The following PTPN9 variants were observed in gnomAD, a reference collection of about 807,000 sequenced individuals.
PTPN9 encodes tyrosine-protein phosphatase non-receptor type 9.
Under a neutral mutation model 69.8 loss-of-function variants are expected in PTPN9, and 26 were observed. The observed-to-expected ratio is 0.37, with a 90% confidence interval of 0.27 to 0.52. PTPN9 has a LOEUF of 0.52. Among genes scored for constraint, PTPN9 ranks in the 20% least tolerant of loss-of-function variants. The pLI, the probability that PTPN9 is intolerant of heterozygous loss-of-function variation, is 0.91. For missense variants in PTPN9, 549 were observed against 740.3 expected, an observed-to-expected ratio of 0.74 and a Z score of 3.00; for synonymous variants, 274 against 272.5, an observed-to-expected ratio of 1.01 and a Z score of -0.05.
At position 75,578,807 on chromosome 15, in the gene PTPN9, C is replaced by T. The variant is rs993396327; in HGVS notation, c.-31G>A. The T allele has an allele frequency of 1.6e-6, 2 of 1,213,092 alleles. No individual in the cohort carries two copies. Among genetic ancestry groups the T allele is most frequent in the African/African-American group, 1.6e-5 (1 of 63,048 alleles). The allele number at this position is 1,213,092 out of a possible 1,614,324, so 75.1% of individuals were successfully genotyped here. A position where few individuals can be genotyped will look rare whatever the true frequency, so the allele number is the denominator to read the frequency against. On this transcript the variant is annotated 5_prime_UTR_variant, in exon 1 of 13. Coordinates refer to ENST00000618819, the MANE Select transcript of PTPN9 (RefSeq NM_002833.4). ...CGCCACCGCCGCCGGGCGGACAAAACTCGCTCGCGAGCGCGGGAGCCCGGC... is the reference window on the plus strand; with the variant it reads ...CGCCACCGCCGCCGGGCGGACAAAATTCGCTCGCGAGCGCGGGAGCCCGGC...
intron 6 of PTPN9, among the ~76,000 whole-genome samples, chr15:75,507,249 G>A (rs930908240): frequency 1.3e-5 from 2 of 150,480 alleles, no homozygotes; most frequent in Non-Finnish European, 3.0e-5. Context: ...TTTGAGACCA[G>A]CCTGTCCAAC....
chr15:75,494,131 C>CATATATATATATATATATATATAT (rs71140166), intron 7 of PTPN9, among the ~76,000 whole-genome samples: 3 of 143,514 alleles, frequency 2.1e-5, no homozygotes, highest in African/African-American at 7.6e-5. Flanking sequence ...TTATCAATCC[C>CATATATATATATATATATATATAT]ATATATATAT....
At chr15:75,556,011 GACAA>G (rs372197393) in intron 1 of PTPN9, among the ~76,000 whole-genome samples, 1,818 of 112,998 alleles carry the variant, frequency 0.016, 15 homozygotes, top group Middle Eastern at 0.027. Flanking sequence ...CAGCCTCGAT[GACAA>G]ACAAAGCGAG....
intron 3 of PTPN9, 105 bp from the exon 4 acceptor site, chr15:75,523,350 T>C: frequency 1.1e-5 from 14 of 1,274,288 alleles, no homozygotes; most frequent in Non-Finnish European, 1.5e-5. Flanking sequence ...AGAAAACAGA[T>C]GCTAACAATA....
intron 1 of PTPN9, among the ~76,000 whole-genome samples, chr15:75,564,233 A>G (rs1003043108): frequency 6.6e-6 from 1 of 152,076 alleles, no homozygotes; most frequent in Non-Finnish European, 1.5e-5. Context: ...TTACAGGCTT[A>G]AGCTACCATG....
intron 5 of PTPN9, among the ~76,000 whole-genome samples, chr15:75,514,660 G>A (rs1263462669): frequency 2.0e-5 from 3 of 152,144 alleles, no homozygotes; most frequent in African/African-American, 7.2e-5. Flanking sequence ...TTTACTGTGC[G>A]CACACATTAT....
intron 1 of PTPN9, among the ~76,000 whole-genome samples, chr15:75,530,848 AT>A: frequency 3.9e-5 from 4 of 101,718 alleles, no homozygotes; most frequent in Admixed American, 1.7e-4. Flanking sequence ...AATATATTAT[AT>A]ATTATGATAT....
intron 9 of PTPN9, among the ~76,000 whole-genome samples, chr15:75,476,877 C>G (rs1249055628): frequency 2.0e-5 from 3 of 152,186 alleles, no homozygotes; most frequent in Non-Finnish European, 4.4e-5. Context: ...ACTTCATTTT[C>G]CACATTCAGA....
intron 1 of PTPN9, among the ~76,000 whole-genome samples, chr15:75,567,990 C>T (rs1484667188): frequency 9.3e-5 from 13 of 139,388 alleles, no homozygotes; most frequent in South Asian, 6.6e-4. Context: ...AGCGAGACTC[C>T]GTCTCAAAAA....
intron 8 of PTPN9, among the ~76,000 whole-genome samples, chr15:75,486,687 A>G (rs1021376991): frequency 1.3e-5 from 2 of 152,208 alleles, no homozygotes; most frequent in African/African-American, 4.8e-5. Flanking sequence ...TCCTCCAAAT[A>G]ACAAGGTATT....
chr15:75,576,848 CAAA>C (rs758400663), intron 1 of PTPN9, among the ~76,000 whole-genome samples: 1 of 149,076 alleles, frequency 6.7e-6, no homozygotes, highest in South Asian at 2.1e-4. Flanking sequence ...AACTCCATCT[CAAA>C]AAAAAAGAGA....
At chr15:75,475,524 AT>A (rs1161187245) in intron 9 of PTPN9, among the ~76,000 whole-genome samples, 2 of 152,016 alleles carry the variant, frequency 1.3e-5, no homozygotes. Flanking sequence ...GGTTGCATTA[AT>A]TGCATTAAAC....
intron 1 of PTPN9, among the ~76,000 whole-genome samples, chr15:75,536,891 A>G (rs187777385): frequency 1.0e-3 from 157 of 152,336 alleles, no homozygotes; most frequent in African/African-American, 3.3e-3. Flanking sequence ...GATCATATCT[A>G]TTTTATTCAC....
intron 12 of PTPN9, 24 bp downstream of exon 12, chr15:75,469,768 C>T: frequency 6.2e-7 from 1 of 1,608,962 alleles, no homozygotes; most frequent in Non-Finnish European, 8.5e-7. Context: ...CTGCAGACAC[C>T]AAGAGCTGCA....
At chr15:75,470,980 G>T in intron 10 of PTPN9, 150 bp from the exon 11 acceptor site, 1 of 955,102 alleles carries the variant, frequency 1.0e-6, no homozygotes, top group Non-Finnish European at 1.5e-6. Flanking sequence ...AGAAAGGAAA[G>T]GAAACCTCTT....
chr15:75,567,722 C>A (rs569568315), intron 1 of PTPN9, among the ~76,000 whole-genome samples: 7 of 152,084 alleles, frequency 4.6e-5, no homozygotes, highest in Admixed American at 6.6e-5. Context: ...TGCTGCCAGG[C>A]GCGGTGGCTC....
chr15:75,537,868 G>A (rs1352029171), intron 1 of PTPN9, among the ~76,000 whole-genome samples: 1 of 151,492 alleles, frequency 6.6e-6, no homozygotes, highest in Non-Finnish European at 1.5e-5. Flanking sequence ...AGACCAGCCT[G>A]GCCAACATAG....
At chr15:75,563,679 T>C (rs1041248141) in intron 1 of PTPN9, among the ~76,000 whole-genome samples, 2 of 152,204 alleles carry the variant, frequency 1.3e-5, no homozygotes, top group African/African-American at 4.8e-5. Flanking sequence ...CAAACATATT[T>C]TGAACCCTCC....
intron 1 of PTPN9, among the ~76,000 whole-genome samples, chr15:75,557,435 A>C (rs28693593): frequency 0.35 from 53,048 of 150,890 alleles, 10,548 homozygotes; most frequent in African/African-American, 0.53. Context: ...AAAAAAAAAA[A>C]CACAAAAAAA....
Sources: allele counts gnomAD v4.1 joint callset (sites outside exome capture counted in the v4.1 genomes callset), GRCh38; gene constraint gnomAD v4.1.1; transcripts MANE v1.5; gene names NCBI Gene and HGNC (gene_info 2026-07-23, HGNC 2026-07-21).